CNKSR3: variants seen among roughly 807,000 people sequenced by gnomAD.
The protein encoded by CNKSR3 is connector enhancer of kinase suppressor of ras 3.
CNKSR3 carries 36 observed loss-of-function variants against 67.7 expected under a neutral mutation model. That is an observed-to-expected ratio of 0.53 (90% CI 0.41 to 0.70). The LOEUF is 0.70. Ranked by LOEUF, CNKSR3 falls within the 30% of genes least tolerant of loss-of-function variation. CNKSR3 has a pLI of 0.00. For synonymous variants in CNKSR3, 281 were observed against 271.4 expected, an observed-to-expected ratio of 1.04 and a Z score of -0.35; for missense variants, 630 against 695.2, an observed-to-expected ratio of 0.91 and a Z score of 1.05.
intron 1 of CNKSR3, among the ~76,000 whole-genome samples, chr6:154,450,652 C>T (rs1253101182): frequency 6.6e-6 from 1 of 152,182 alleles, no homozygotes; most frequent in Non-Finnish European, 1.5e-5. Flanking sequence ...AGTCAAGACG[C>T]CTTGCCACAG....
Position 154,406,539 on chromosome 6 carries a change from G to T in CNKSR3, c.1483C>A (p.Arg495=). 1 of 1,614,210 alleles carries T rather than the reference G, an allele frequency of 6.2e-7. No individual in the cohort carries two copies. The highest frequency in any genetic ancestry group is 1.3e-5 in the African/African-American group (1 of 75,050). ...CTTCCTCGGATGTAGTCCGCACCCC[G>T]GACCAGATGCCGCTCGGTCGTGGGT... is the stretch of plus-strand genomic sequence containing the variant. ...SRPTTERHLV[R]GADYIRGSRC... Residue 495 remains arginine, a synonymous_variant, in exon 13 of 13, where the codon CGG becomes AGG. Coordinates refer to ENST00000607772, the MANE Select transcript of CNKSR3 (RefSeq NM_173515.4).
intron 1 of CNKSR3, among the ~76,000 whole-genome samples, chr6:154,477,088 G>A (rs1472301268): frequency 2.0e-5 from 3 of 152,112 alleles, no homozygotes; most frequent in African/African-American, 7.2e-5. Context: ...GTGAGGTCAG[G>A]ATGTCCTGAA....
intron 1 of CNKSR3, among the ~76,000 whole-genome samples, chr6:154,504,175 AT>A (rs1787050591): frequency 6.6e-6 from 1 of 152,230 alleles, no homozygotes; most frequent in Non-Finnish European, 1.5e-5. Context: ...AAGTGAGGAA[AT>A]ATGGCTCAAA....
chr6:154,418,212 C>G (rs1785061338), intron 9 of CNKSR3, among the ~76,000 whole-genome samples: 1 of 152,212 alleles, frequency 6.6e-6, no homozygotes. Context: ...CACCAGGATG[C>G]TTCGTCCTGC....
intron 2 of CNKSR3, among the ~76,000 whole-genome samples, 192 bp from the exon 3 acceptor site, chr6:154,442,482 C>A (rs1357177209): frequency 1.3e-5 from 2 of 152,028 alleles, no homozygotes; most frequent in Non-Finnish European, 2.9e-5. Context: ...ATTAGCCGGG[C>A]GTGGTGGCGG....
chr6:154,453,039 T>C (rs1320367771), intron 1 of CNKSR3, among the ~76,000 whole-genome samples: 1 of 152,214 alleles, frequency 6.6e-6, no homozygotes, highest in Non-Finnish European at 1.5e-5. Flanking sequence ...ATGGACTGTC[T>C]TAAACAAGGC....
chr6:154,488,810 A>G (rs1319575284), intron 1 of CNKSR3, among the ~76,000 whole-genome samples: 1 of 152,212 alleles, frequency 6.6e-6, no homozygotes, highest in African/African-American at 2.4e-5. Flanking sequence ...AAAAATTGGG[A>G]CTTTTTTAAA....
Position 154,485,183 on chromosome 6 carries a change from C to A in CNKSR3, c.52+24880G>T, listed in dbSNP as rs183635783. On this transcript the variant is annotated intron_variant, in intron 1 of 12. Coordinates refer to ENST00000607772, the MANE Select transcript of CNKSR3 (RefSeq NM_173515.4). ...TAATTATGAATCACATCTCCCTACACAGAGTTCCAAACCTATAATGTTTGG... is the reference window on the plus strand; with the variant it reads ...TAATTATGAATCACATCTCCCTACAAAGAGTTCCAAACCTATAATGTTTGG... Among the ~76,000 whole-genome samples, 803 of 152,286 alleles carry A rather than the reference C, an allele frequency of 5.3e-3. 3 individuals are homozygous for A. The highest frequency in any genetic ancestry group is 0.018 in the African/African-American group (767 of 41,564).
In CNKSR3 at chr6:154,406,672, A is replaced by T. The variant is rs762694755; in HGVS notation, c.1370-20T>A. On this transcript the variant is annotated intron_variant, in intron 12 of 12. Coordinates refer to ENST00000607772, the MANE Select transcript of CNKSR3 (RefSeq NM_173515.4). ...CCTCCCCTGTTTCCAGACAAAGTCC[A>T]TTAAGTCACAATCCCAGCCGGGCGT... 6.9e-6 allele frequency: 11 copies of T among 1,600,270 alleles called. No individual in the cohort carries two copies. The East Asian group carries it at 2.5e-4, about 36-fold the overall frequency.
rs1028087907 is a variant in CNKSR3 at position 154,441,529 on chromosome 6, G to C, written c.420-150C>G. ...GACTGTGTCTCACTCTGTCGCCCAG[G>C]CTGGAGTGCAGTGGGATGATCTTGG... On this transcript the variant is annotated intron_variant, in intron 3 of 12. Coordinates refer to ENST00000607772, the MANE Select transcript of CNKSR3 (RefSeq NM_173515.4). 8.1e-6 allele frequency: 5 copies of C among 614,552 alleles called. No individual in the cohort carries two copies. The Admixed American group carries it at 1.1e-4, about 14-fold the overall frequency. 38.1% of individuals were successfully genotyped at this position (614,552 alleles called of 1,614,324 possible).
At chr6:154,471,146 A>G (rs1227307830) in intron 1 of CNKSR3, among the ~76,000 whole-genome samples, 1 of 152,208 alleles carries the variant, frequency 6.6e-6, no homozygotes, top group Non-Finnish European at 1.5e-5. Context: ...TACTACCCTC[A>G]TGATTTTACC....
rs1226442337 is a variant in CNKSR3 at position 154,410,375 on chromosome 6, G to A, written c.1337C>T (p.Pro446Leu). 1.4e-5 allele frequency: 22 copies of A among 1,613,932 alleles called. No homozygotes were observed. The East Asian group carries it at 4.9e-4, about 36-fold the overall frequency. Reference sequence around the variant, plus strand: ...GCCATGACCTCGAGGTCTGGCAAAAGGGTCCACAATCCCCATCCAGTTCCC... The same window carrying A: ...GCCATGACCTCGAGGTCTGGCAAAAAGGTCCACAATCCCCATCCAGTTCCC... Reference protein sequence around the residue: ...ADGNWMGIVDPFARPRGHGRK... With the variant: ...ADGNWMGIVDLFARPRGHGRK... The change falls in exon 12 of 13, where the codon CCT becomes CTT. Residue 446 changes from proline (P) to leucine (L), a missense_variant. Physicochemically the swap from Pro to Leu is moderately conservative, Grantham distance 98. Transcript: ENST00000607772.
At chr6:154,497,316 C>T (rs952272046) in intron 1 of CNKSR3, among the ~76,000 whole-genome samples, 12 of 152,016 alleles carry the variant, frequency 7.9e-5, no homozygotes, top group Admixed American at 2.0e-4. Context: ...TCTTGAGCCC[C>T]GGAGGTCAAA....
intron 1 of CNKSR3, among the ~76,000 whole-genome samples, chr6:154,453,358 A>C (rs1249515072): frequency 1.3e-5 from 2 of 152,178 alleles, no homozygotes; most frequent in South Asian, 4.1e-4. Flanking sequence ...GAATGGTGAG[A>C]GTTCTAGACA....
chr6:154,510,185 C>G lies in CNKSR3; in HGVS notation c.-71G>C. ...GTGCTGCTGCCTGCGCTCCGGTGCCCCTTCCCGGGAGGGCGCGCCCGCGGC... is the reference window on the plus strand; with the variant it reads ...GTGCTGCTGCCTGCGCTCCGGTGCCGCTTCCCGGGAGGGCGCGCCCGCGGC... On this transcript the variant is annotated 5_prime_UTR_variant, in exon 1 of 13. Transcript: ENST00000607772. The G allele has an allele frequency of 6.3e-7, 1 of 1,588,188 alleles. No individual in the cohort carries two copies. Among genetic ancestry groups the G allele is most frequent in the Non-Finnish European group, 8.6e-7 (1 of 1,158,654 alleles).
At position 154,414,273 on chromosome 6, in the gene CNKSR3, TAC is replaced by T. The variant is rs745748140; in HGVS notation, c.1070+24_1070+25del. ...AAATGACACCAACAGGAGACAAGCATACCATGACAATGGACAGCAACATACCG... is the reference window on the plus strand; with the variant it reads ...AAATGACACCAACAGGAGACAAGCATCATGACAATGGACAGCAACATACCG... On this transcript the variant is annotated intron_variant, in intron 10 of 12. Coordinates refer to ENST00000607772, the MANE Select transcript of CNKSR3 (RefSeq NM_173515.4). 24 of 1,556,548 alleles carry T rather than the reference TAC, an allele frequency of 1.5e-5. No homozygotes were observed. In the African/African-American group the frequency reaches 3.2e-4, roughly 20 times the overall value.
At chr6:154,425,149 C>T (rs9478544) in intron 7 of CNKSR3, among the ~76,000 whole-genome samples, 8,060 of 152,252 alleles carry the variant, frequency 0.053, 365 homozygotes, top group African/African-American at 0.13. Context: ...GATGCTTAAC[C>T]TACAGTTAAA....
At chr6:154,446,298 C>A (rs1051711092) in intron 2 of CNKSR3, among the ~76,000 whole-genome samples, 2 of 152,112 alleles carry the variant, frequency 1.3e-5, no homozygotes, top group Admixed American at 1.3e-4. Flanking sequence ...TCTTCTCTAC[C>A]ATCTTCTCCA....
At position 154,486,745 on chromosome 6, in the gene CNKSR3, C is replaced by T. The variant is rs537330382; in HGVS notation, c.52+23318G>A. 1.8e-4 allele frequency among the ~76,000 whole-genome samples: 27 copies of T among 152,220 alleles called. No individual in the cohort carries two copies. The East Asian group carries it at 4.8e-3, about 27-fold the overall frequency. ...CTGACCTCAGGTGATCCGCTTGCCT[C>T]GGCCTCCCAAAGTGCTAAGATTACA... On this transcript the variant is annotated intron_variant, in intron 1 of 12. Transcript: ENST00000607772.
Sources: gnomAD v4.1 joint callset for allele counts (sites outside exome capture counted in the v4.1 genomes callset) on GRCh38, gnomAD v4.1.1 for gene constraint, MANE v1.5 for transcripts, NCBI Gene and HGNC (gene_info 2026-07-23, HGNC 2026-07-21) for gene names.